Variants in GRM1 observed in about 807,000 individuals in gnomAD.
GRM1 encodes metabotropic glutamate receptor 1.
GRM1 carries 33 observed loss-of-function variants against 90.9 expected under a neutral mutation model. The observed-to-expected ratio is 0.36, with a 90% CI of 0.28 to 0.49. GRM1 has a LOEUF of 0.49. Ranked by LOEUF, GRM1 falls within the 20% of genes least tolerant of loss-of-function variation. The pLI is 0.99. For missense variants in GRM1, 1,190 were observed against 1,534.3 expected (o/e 0.78, Z 3.75); for synonymous variants, 700 against 613.2 (o/e 1.14, Z -2.09).
chr6:146,347,723 A>G (rs1785233737), intron 3 of GRM1, among the ~76,000 whole-genome samples: 1 of 152,224 alleles, frequency 6.6e-6, no homozygotes, highest in Admixed American at 6.5e-5. Context: ...CAGCAGTTAC[A>G]TGAATGTGTA....
intron 1 of GRM1, among the ~76,000 whole-genome samples, chr6:146,087,052 G>A (rs1323407960): frequency 6.6e-6 from 1 of 151,986 alleles, no homozygotes; most frequent in Non-Finnish European, 1.5e-5. Context: ...TTTATGTTAA[G>A]TTTAAAGAAA....
intron 2 of GRM1, among the ~76,000 whole-genome samples, chr6:146,190,040 T>C (rs1359476487): frequency 6.6e-6 from 1 of 152,136 alleles, no homozygotes; most frequent in East Asian, 1.9e-4. Context: ...AGTTGTTGAG[T>C]GGAGTTCAGT....
intron 2 of GRM1, among the ~76,000 whole-genome samples, chr6:146,192,088 A>G (rs1016441036): frequency 3.9e-5 from 6 of 152,202 alleles, no homozygotes; most frequent in African/African-American, 1.4e-4. Context: ...CTTTCAGTGT[A>G]AACAAATTTT....
chr6:146,239,821 T>A (rs1348178598), intron 2 of GRM1, among the ~76,000 whole-genome samples: 2 of 152,102 alleles, frequency 1.3e-5, no homozygotes, highest in Non-Finnish European at 2.9e-5. Context: ...AAATGAGGTA[T>A]CCTTTTTTTA....
At position 146,079,802 on chromosome 6, in the gene GRM1, G is replaced by C. The variant is rs546504456; in HGVS notation, c.700+49585G>C. 5.9e-5 allele frequency among the ~76,000 whole-genome samples: 9 copies of C among 152,322 alleles called. No homozygotes were observed. The South Asian group carries it at 1.9e-3, about 32-fold the overall frequency. ...ACCAGACTGATGTTTCATAAAGCCA[G>C]GCGTTGTAGAGGAACTATCAGTGGA... is the stretch of plus-strand genomic sequence containing the variant. On this transcript the variant is annotated intron_variant, in intron 1 of 7. Transcript: ENST00000282753.
intron 5 of GRM1, among the ~76,000 whole-genome samples, chr6:146,377,134 G>A (rs773930595): frequency 7.2e-5 from 11 of 151,998 alleles, no homozygotes; most frequent in Non-Finnish European, 8.8e-5. Context: ...TCTTGGGTAC[G>A]TCTTTATTAG....
chr6:146,114,841 C>T (rs1337246712), intron 1 of GRM1, among the ~76,000 whole-genome samples: 1 of 151,914 alleles, frequency 6.6e-6, no homozygotes, highest in Admixed American at 6.6e-5. Context: ...ATTGCTATCC[C>T]CATTTTAAGG....
chr6:146,135,578 T>G (rs540526527), intron 1 of GRM1, among the ~76,000 whole-genome samples: 1 of 152,322 alleles, frequency 6.6e-6, no homozygotes, highest in East Asian at 1.9e-4. Context: ...GTGCAAGAAC[T>G]TGCACACAGT....
rs1278538363 is a variant in GRM1 at position 146,139,978 on chromosome 6, TTCCCTCC to T, written c.701-19369_701-19363del. ...TCCCCTTCCCTTCCCTTCCCTCCGCTTCCCTCCGCTTCCCTCCGCTTCCCTCCCCTCC... is the reference window on the plus strand; with the variant it reads ...TCCCCTTCCCTTCCCTTCCCTCCGCTGCTTCCCTCCGCTTCCCTCCCCTCC... On this transcript the variant is annotated intron_variant, in intron 1 of 7. Transcript: ENST00000282753. Among the ~76,000 whole-genome samples the T allele has an allele frequency of 1.7e-3, 197 of 117,428 alleles. 1 individual carries two copies. Among genetic ancestry groups the T allele is most frequent in the African/African-American group, 5.8e-3 (178 of 30,458 alleles). 77.0% of individuals were successfully genotyped at this position (117,428 alleles called of 152,430 possible).
intron 1 of GRM1, among the ~76,000 whole-genome samples, chr6:146,035,081 T>C (rs911288554): frequency 6.6e-6 from 1 of 151,920 alleles, no homozygotes; most frequent in Non-Finnish European, 1.5e-5. Flanking sequence ...GGAATTTTGG[T>C]TAGAGTTTTG....
At chr6:146,156,545 C>T (rs1435631982) in intron 1 of GRM1, among the ~76,000 whole-genome samples, 1 of 152,200 alleles carries the variant, frequency 6.6e-6, no homozygotes, top group Non-Finnish European at 1.5e-5. Flanking sequence ...GGGGTTAACT[C>T]TCTGGTGTAA....
At chr6:146,223,206 A>T (rs1050716045) in intron 2 of GRM1, among the ~76,000 whole-genome samples, 1 of 152,092 alleles carries the variant, frequency 6.6e-6, no homozygotes, top group Admixed American at 6.6e-5. Context: ...CAAAAACAAG[A>T]ACTCTTTTTA....
At chr6:146,345,983 A>G (rs957097550) in intron 3 of GRM1, among the ~76,000 whole-genome samples, 17 of 152,228 alleles carry the variant, frequency 1.1e-4, no homozygotes, top group African/African-American at 3.6e-4. Context: ...GTCAATAATA[A>G]CAGCAAAGGC....
intron 5 of GRM1, among the ~76,000 whole-genome samples, chr6:146,370,341 G>A (rs980943815): frequency 1.3e-5 from 2 of 151,926 alleles, no homozygotes; most frequent in African/African-American, 2.4e-5. Context: ...CTCCTCATGG[G>A]TAGTGACATT....
chr6:146,052,608 C>T (rs1775335084), intron 1 of GRM1, among the ~76,000 whole-genome samples: 1 of 152,066 alleles, frequency 6.6e-6, no homozygotes, highest in African/African-American at 2.4e-5. Context: ...TCCTTGAGCA[C>T]ATGAAGGATG....
intron 2 of GRM1, among the ~76,000 whole-genome samples, chr6:146,207,701 A>G (rs567875455): frequency 1.3e-5 from 2 of 152,190 alleles, no homozygotes; most frequent in Admixed American, 6.5e-5. Context: ...GGCAACTAAA[A>G]GTATAGAAAG....
At chr6:146,161,225 A>T (rs1378085969) in intron 2 of GRM1, among the ~76,000 whole-genome samples, 1 of 152,132 alleles carries the variant, frequency 6.6e-6, no homozygotes, top group East Asian at 1.9e-4. Context: ...TTCCTTTTAT[A>T]ATATCCTCAA....
rs559488377 is a variant in GRM1 at position 146,260,595 on chromosome 6, G to A, written c.951-44016G>A. 1.1e-4 allele frequency among the ~76,000 whole-genome samples: 16 copies of A among 152,084 alleles called. No homozygotes were observed. In the East Asian group the frequency reaches 1.4e-3, roughly 13 times the overall value. ...TGCCACACTGTCTTCCACAGTGGTC[G>A]AACTAATTTACACTCCTACCAACAG... is the stretch of plus-strand genomic sequence containing the variant. On this transcript the variant is annotated intron_variant, in intron 2 of 7. Coordinates refer to ENST00000282753, the MANE Select transcript of GRM1 (RefSeq NM_001278064.2).
intron 1 of GRM1, among the ~76,000 whole-genome samples, chr6:146,098,501 A>G (rs1464555823): frequency 6.6e-6 from 1 of 152,120 alleles, no homozygotes; most frequent in Non-Finnish European, 1.5e-5. Context: ...CTTTACTATT[A>G]TAATTGTCAC....
Sources: gnomAD v4.1 joint callset for allele counts (sites outside exome capture counted in the v4.1 genomes callset) on GRCh38, gnomAD v4.1.1 for gene constraint, MANE v1.5 for transcripts, NCBI Gene and HGNC (gene_info 2026-07-23, HGNC 2026-07-21) for gene names.